The following DLGAP2 variants were observed in gnomAD, a reference collection of about 807,000 sequenced individuals.
DLGAP2 encodes the protein DLG associated protein 2, also known as disks large-associated protein 2.
DLGAP2 carries 26 observed loss-of-function variants against 100.3 expected under a neutral mutation model. The observed-to-expected ratio is 0.26, with a 90% CI of 0.19 to 0.36. The LOEUF (loss-of-function observed/expected upper bound fraction) is 0.36. Among genes scored for constraint, DLGAP2 ranks in the 10% least tolerant of loss-of-function variants. The pLI, the probability that DLGAP2 is intolerant of heterozygous loss-of-function variation, is 1.00. For synonymous variants in DLGAP2, 886 were observed against 630.1 expected (o/e 1.41, Z -6.08); for missense variants, 1,858 against 1,453.2 (o/e 1.28, Z -4.53).
chr8:1,336,699 T>C (rs1477793022), intron 3 of DLGAP2, among the ~76,000 whole-genome samples: 3 of 152,130 alleles, frequency 2.0e-5, no homozygotes, highest in Non-Finnish European at 2.9e-5. Flanking sequence ...GAGCCACTCT[T>C]TTCTCACCCC....
intron 3 of DLGAP2, among the ~76,000 whole-genome samples, chr8:1,384,075 T>A (rs998962199): frequency 1.3e-5 from 2 of 152,096 alleles, no homozygotes; most frequent in Non-Finnish European, 2.9e-5. Flanking sequence ...GGAAACAGTA[T>A]ACACTTATTT....
At chr8:902,087 C>T (rs1798263586) in intron 1 of DLGAP2, among the ~76,000 whole-genome samples, 1 of 152,222 alleles carries the variant, frequency 6.6e-6, no homozygotes, top group South Asian at 2.1e-4. Context: ...AGAGGGATTG[C>T]TCAGGAATGT....
At chr8:1,443,248 G>T (rs1015486546) in intron 3 of DLGAP2, among the ~76,000 whole-genome samples, 1 of 151,920 alleles carries the variant, frequency 6.6e-6, no homozygotes, top group Non-Finnish European at 1.5e-5. Flanking sequence ...ACAGATAATC[G>T]CAGGTAACAT....
chr8:792,731 G>A (rs1198655049), intron 1 of DLGAP2, among the ~76,000 whole-genome samples: 1 of 152,178 alleles, frequency 6.6e-6, no homozygotes, highest in Non-Finnish European at 1.5e-5. Context: ...TTTGGTATCT[G>A]TCTGATAGGA....
intron 2 of DLGAP2, among the ~76,000 whole-genome samples, chr8:921,190 T>C (rs1798705571): frequency 6.6e-6 from 1 of 152,206 alleles, no homozygotes; most frequent in East Asian, 1.9e-4. Context: ...AGGAATCTTT[T>C]TTATAACTTT....
intron 3 of DLGAP2, among the ~76,000 whole-genome samples, chr8:1,495,801 T>G (rs946772497): frequency 1.3e-5 from 2 of 152,312 alleles, no homozygotes; most frequent in East Asian, 3.9e-4. Context: ...GTGTCTGCGA[T>G]GACGTGCGAT....
At chr8:1,362,510 CTGTG>C (rs1563105975) in intron 3 of DLGAP2, among the ~76,000 whole-genome samples, 1 of 152,130 alleles carries the variant, frequency 6.6e-6, no homozygotes, top group Non-Finnish European at 1.5e-5. Context: ...TCCCCTTACA[CTGTG>C]TGGTCCCCGT....
chr8:1,277,070 T>C (rs1799712561), intron 3 of DLGAP2, among the ~76,000 whole-genome samples: 1 of 152,218 alleles, frequency 6.6e-6, no homozygotes, highest in Admixed American at 6.5e-5. Context: ...ATTTTTCTGA[T>C]ACAAGTTGTA....
At chr8:938,187 G>A (rs1342522107) in intron 2 of DLGAP2, among the ~76,000 whole-genome samples, 2 of 152,106 alleles carry the variant, frequency 1.3e-5, no homozygotes, top group Non-Finnish European at 2.9e-5. Flanking sequence ...GACTCAGCAT[G>A]TTTTCCCTTT....
chr8:781,796 G>C (rs1234381848), intron 1 of DLGAP2, among the ~76,000 whole-genome samples: 1 of 152,158 alleles, frequency 6.6e-6, no homozygotes, highest in Non-Finnish European at 1.5e-5. Context: ...CCTGACATAG[G>C]TTTGTTAGAG....
At chr8:968,056 A>G (rs77723092) in intron 2 of DLGAP2, among the ~76,000 whole-genome samples, 16,998 of 150,818 alleles carry the variant, frequency 0.11, 1,443 homozygotes, top group Admixed American at 0.26. Flanking sequence ...ATGCACACAC[A>G]TTGTTATTCA....
chr8:1,013,076 C>T lies in DLGAP2; in HGVS notation c.73+105110C>T, dbSNP rs368805915. Among the ~76,000 whole-genome samples, 160 of 152,270 alleles carry T rather than the reference C, an allele frequency of 1.1e-3. 4 individuals are homozygous for T. The South Asian group carries it at 0.032, about 30-fold the overall frequency. On this transcript the variant is annotated intron_variant, in intron 2 of 14. Transcript: ENST00000637795. The stretch of plus-strand genomic sequence containing the variant: ...GGTCTCCATGCTTCCAGCCCTCCGG[C>T]CCCTGGGCACCTATGTTCTTTGTGG...
intron 3 of DLGAP2, among the ~76,000 whole-genome samples, chr8:1,361,160 G>C (rs1302683364): frequency 6.6e-6 from 1 of 152,208 alleles, no homozygotes; most frequent in Non-Finnish European, 1.5e-5. Flanking sequence ...CACCACACCA[G>C]ATTTGCAACA....
chr8:1,211,130 C>T (rs1012886112), intron 2 of DLGAP2, among the ~76,000 whole-genome samples: 1 of 152,194 alleles, frequency 6.6e-6, no homozygotes, highest in African/African-American at 2.4e-5. Context: ...GAACAATGTT[C>T]CGTGGTTTTG....
At chr8:1,640,267 A>G (rs1308795364) in intron 8 of DLGAP2, among the ~76,000 whole-genome samples, 1 of 152,042 alleles carries the variant, frequency 6.6e-6, no homozygotes, top group Non-Finnish European at 1.5e-5. Flanking sequence ...GCAGGCTCAG[A>G]GTTCACCCTG....
chr8:765,863 G>C (rs924202698), intron 1 of DLGAP2, among the ~76,000 whole-genome samples: 8 of 151,978 alleles, frequency 5.3e-5, no homozygotes, highest in Non-Finnish European at 1.0e-4. Context: ...CCACACACAG[G>C]TGCACACAAA....
intron 1 of DLGAP2, among the ~76,000 whole-genome samples, chr8:855,262 G>A (rs933554189): frequency 2.0e-5 from 3 of 152,218 alleles, no homozygotes; most frequent in South Asian, 2.1e-4. Context: ...TTTCAGAACC[G>A]TGTATTCCCA....
At chr8:833,010 A>G (rs1490349580) in intron 1 of DLGAP2, among the ~76,000 whole-genome samples, 1 of 152,190 alleles carries the variant, frequency 6.6e-6, no homozygotes, top group Non-Finnish European at 1.5e-5. Flanking sequence ...ATTCATGTAG[A>G]TGAAGGTGCA....
chr8:1,192,919 G>A (rs1297703415), intron 2 of DLGAP2, among the ~76,000 whole-genome samples: 4 of 151,774 alleles, frequency 2.6e-5, no homozygotes, highest in South Asian at 2.1e-4. Context: ...GAGAACATGC[G>A]GTGTTTGGTT....
Sources: allele counts gnomAD v4.1 joint callset (sites outside exome capture counted in the v4.1 genomes callset), GRCh38; gene constraint gnomAD v4.1.1; transcripts MANE v1.5; gene names NCBI Gene and HGNC (gene_info 2026-07-23, HGNC 2026-07-21).